Variants in PALD1 observed in about 807,000 individuals in gnomAD.
PALD1 encodes paladin.
Under a neutral mutation model 96.0 loss-of-function variants are expected in PALD1, and 57 were observed. The ratio of observed to expected loss-of-function variants is 0.59; its 90% CI spans 0.48 to 0.74. The LOEUF (loss-of-function observed/expected upper bound fraction) is 0.74. Among genes scored for constraint, PALD1 ranks in the 30% least tolerant of loss-of-function variants. The pLI is 0.00. For synonymous variants in PALD1, 464 were observed against 473.6 expected (o/e 0.98, Z 0.26); for missense variants, 1,063 against 1,143.7 (o/e 0.93, Z 1.02).
rs768998753 is a variant in PALD1, at chr10:70,541,165, G to A, written c.1972G>A (p.Val658Met). The A allele has an allele frequency of 5.6e-6, 9 of 1,613,814 alleles. No individual in the cohort carries two copies. In the East Asian group the frequency reaches 8.9e-5, roughly 16 times the overall value. ...CTCCAAGGACCCAGGCACTGGCTTC[G>A]TGTTCAGCTGCCTCAGCGGCCAGGG... Reference protein sequence around the residue: ...ALSKDPGTGFVFSCLSGQGRT... With the variant: ...ALSKDPGTGFMFSCLSGQGRT... Residue 658 changes from valine (V) to methionine (M), a missense_variant, in exon 16 of 20, where the codon GTG (valine) becomes ATG (methionine). Physicochemically the swap from Val to Met is conservative, Grantham distance 21 (BLOSUM62 1). Transcript: ENST00000263563.
At chr10:70,530,482 C>A (rs781357512) in intron 4 of PALD1, among the ~76,000 whole-genome samples, 7 of 152,130 alleles carry the variant, frequency 4.6e-5, no homozygotes, top group African/African-American at 7.2e-5. Context: ...GAAACAGGCC[C>A]AGAGAAGCTA....
At chr10:70,467,566 T>G in the PALD1 span, among the ~76,000 whole-genome samples, 1 of 152,074 alleles carries the variant, frequency 6.6e-6, no homozygotes, top group Non-Finnish European at 1.5e-5. Context: ...AGGAGTGAGA[T>G]CCCCGTCACT....
Position 70,539,812 on chromosome 10 carries a change from C to A in PALD1, c.1908+50C>A. 2 of 1,486,428 alleles carry A rather than the reference C, an allele frequency of 1.3e-6. No homozygotes were observed. The highest frequency in any genetic ancestry group is 1.8e-6 in the Non-Finnish European group (2 of 1,092,034). 92.1% of individuals were successfully genotyped at this position (1,486,428 alleles called of 1,614,324 possible). ...CCTCTGGGGAGGGACAGGAGGCCTCCCTGTCTCCCCTCTGGTCTGGGCTCT... is the reference window on the plus strand; with the variant it reads ...CCTCTGGGGAGGGACAGGAGGCCTCACTGTCTCCCCTCTGGTCTGGGCTCT... On this transcript the variant is annotated intron_variant, in intron 15 of 19. Transcript: ENST00000263563. This position sits in a 1 kb window ranked among gnomAD's most constrained non-coding sequence, Gnocchi z 4.5.
intron 1 of PALD1, among the ~76,000 whole-genome samples, chr10:70,515,985 A>G (rs917939982): frequency 1.3e-5 from 2 of 152,094 alleles, no homozygotes; most frequent in African/African-American, 4.8e-5. Context: ...CCTCTAACAG[A>G]TATTTATTAA....
chr10:70,508,255 T>C (rs1429921066), intron 1 of PALD1, among the ~76,000 whole-genome samples: 1 of 152,226 alleles, frequency 6.6e-6, no homozygotes, highest in East Asian at 1.9e-4. Flanking sequence ...ATCAACAGAC[T>C]GCAAAACACC....
At chr10:70,548,811 T>C (rs1385082332) in intron 18 of PALD1, among the ~76,000 whole-genome samples, 1 of 152,108 alleles carries the variant, frequency 6.6e-6, no homozygotes, top group Non-Finnish European at 1.5e-5. Flanking sequence ...AGGCCCTGAT[T>C]GGGGCAAAGG....
At position 70,507,428 on chromosome 10, in the gene PALD1, A is replaced by G. The variant is rs146927022; in HGVS notation, c.-29-18495A>G. Among the ~76,000 whole-genome samples the G allele has an allele frequency of 6.0e-4, 91 of 152,170 alleles. No individual in the cohort carries two copies. In the East Asian group the frequency reaches 0.017, roughly 29 times the overall value. ...ACTCTGTCTCAAAAAACAAACAAAC[A>G]AACAAAAAATTTTAGAGACAGGGTC... On this transcript the variant is annotated intron_variant, in intron 1 of 19. Transcript: ENST00000263563.
chr10:70,521,588 A>G (rs1168492653), intron 1 of PALD1, among the ~76,000 whole-genome samples: 2 of 151,942 alleles, frequency 1.3e-5, no homozygotes, highest in Non-Finnish European at 2.9e-5. Flanking sequence ...GCTGAAGTGC[A>G]GTGGCATGAT....
At chr10:70,553,657 T>C (rs1409585553) in intron 18 of PALD1, among the ~76,000 whole-genome samples, 1 of 152,196 alleles carries the variant, frequency 6.6e-6, no homozygotes, top group African/African-American at 2.4e-5. Context: ...GGCACTGAGC[T>C]TGCCCAAGAA....
At chr10:70,473,891 ACC>A (rs10609984), upstream of PALD1, among the ~76,000 whole-genome samples, 114,874 of 148,614 alleles carry the variant, frequency 0.77, 45,109 homozygotes, top group Non-Finnish European at 0.85. Context: ...CAGGTGATCC[ACC>A]CCCCCCCCCT....
At chr10:70,553,665 G>A (rs1395934619) in intron 18 of PALD1, among the ~76,000 whole-genome samples, 1 of 152,214 alleles carries the variant, frequency 6.6e-6, no homozygotes, top group East Asian at 1.9e-4. Context: ...GCTTGCCCAA[G>A]AACACACAGC....
intron 2 of PALD1, among the ~76,000 whole-genome samples, chr10:70,526,459 G>A (rs12146393): frequency 0.099 from 15,062 of 152,284 alleles, 901 homozygotes; most frequent in South Asian, 0.17. Context: ...AGAAGTTTAT[G>A]TACTTGATGG....
chr10:70,468,656 G>A, the PALD1 span, among the ~76,000 whole-genome samples: 10 of 152,008 alleles, frequency 6.6e-5, no homozygotes, highest in Non-Finnish European at 1.0e-4. Context: ...TGGACGGGGT[G>A]TAGTGGGCAG....
chr10:70,470,672 G>C, the PALD1 span, among the ~76,000 whole-genome samples: 8 of 150,956 alleles, frequency 5.3e-5, no homozygotes, highest in South Asian at 1.7e-3. Flanking sequence ...GCAGTGGCAT[G>C]ATCTTGGCTC....
chr10:70,491,878 G>T (rs1247543369), intron 1 of PALD1, among the ~76,000 whole-genome samples: 1 of 152,128 alleles, frequency 6.6e-6, no homozygotes, highest in Non-Finnish European at 1.5e-5. Flanking sequence ...TTTTCACTTA[G>T]CATAGTGTTC....
chr10:70,555,362 TTGAC>T (rs1224401201), intron 18 of PALD1, among the ~76,000 whole-genome samples: 1 of 152,128 alleles, frequency 6.6e-6, no homozygotes, highest in Non-Finnish European at 1.5e-5. Flanking sequence ...TTAGACCCAT[TTGAC>T]TGAGAAGAAA....
chr10:70,565,734 G>A (rs958087144), intron 19 of PALD1, among the ~76,000 whole-genome samples: 2 of 152,188 alleles, frequency 1.3e-5, no homozygotes, highest in East Asian at 1.9e-4. Flanking sequence ...ATGTCGGGGT[G>A]CCTTCTTGAG....
chr10:70,520,441 T>G (rs904267033), intron 1 of PALD1, among the ~76,000 whole-genome samples: 1 of 152,228 alleles, frequency 6.6e-6, no homozygotes, highest in African/African-American at 2.4e-5. Flanking sequence ...CTCTTGAACC[T>G]CTTGCCTATT....
At chr10:70,534,128 G>A (rs771198176) in intron 8 of PALD1, 55 bp downstream of exon 8, 255 of 1,483,474 alleles carry the variant, frequency 1.7e-4, no homozygotes, top group Non-Finnish European at 2.3e-4. Flanking sequence ...GGAGGGGACA[G>A]GCTGCCCCAC....
Sources: gnomAD v4.1 joint callset for allele counts (sites outside exome capture counted in the v4.1 genomes callset) on GRCh38, gnomAD v4.1.1 for gene constraint, Gnocchi (gnomAD v3.1) non-coding constraint, MANE v1.5 for transcripts, NCBI Gene and HGNC (gene_info 2026-07-23, HGNC 2026-07-21) for gene names.